The following CNOT1 variants were observed in gnomAD, a reference collection of about 807,000 sequenced individuals.
CNOT1 encodes CCR4-NOT transcription complex subunit 1.
In CNOT1, 15 loss-of-function variants were observed where a neutral mutation model predicts 273.8. The observed-to-expected ratio is 0.05, with a 90% CI of 0.04 to 0.08. CNOT1 has a LOEUF of 0.08. Ranked by LOEUF, CNOT1 falls within the 10% of genes least tolerant of loss-of-function variation. The probability of loss-of-function intolerance (pLI) is 1.00; values close to 1 mark genes in which losing one functional copy is unlikely to be tolerated. For missense variants in CNOT1, 1,644 were observed against 2,912.2 expected (o/e 0.56, Z 10.02); for synonymous variants, 1,022 against 1,005.5 (o/e 1.02, Z -0.31).
At chr16:58,625,827 C>T (rs2043550865) in intron 1 of CNOT1, among the ~76,000 whole-genome samples, 1 of 144,398 alleles carries the variant, frequency 6.9e-6, no homozygotes, top group Admixed American at 7.2e-5. Flanking sequence ...CGCTGCACTC[C>T]AGCCTAGGCA....
At chr16:58,608,234 C>T (rs1416324764) in intron 1 of CNOT1, among the ~76,000 whole-genome samples, 1 of 151,640 alleles carries the variant, frequency 6.6e-6, no homozygotes, top group African/African-American at 2.4e-5. Flanking sequence ...CACAAACAAA[C>T]CTGAATGTCC....
At position 58,585,417 on chromosome 16, in the gene CNOT1, A is replaced by T. The variant is rs745515011; in HGVS notation, c.727T>A (p.Ser243Thr). Residue 243 changes from serine to threonine, a missense_variant, in exon 8 of 49, where the codon TCC becomes ACC. Around this residue, in one of 13 missense-constraint regions of CNOT1, gnomAD observed 706 missense variants for 1,021.2 expected, o/e 0.69. Coordinates refer to ENST00000317147, the MANE Select transcript of CNOT1 (RefSeq NM_016284.5). ...ATCATGGTTTTAGCTACCCCTCCGGAATCAGGCAGGATCCTGTCCATTAGA... is the reference window on the plus strand; with the variant it reads ...ATCATGGTTTTAGCTACCCCTCCGGTATCAGGCAGGATCCTGTCCATTAGA... ...DILMDRILPD[S>T]GGVAKTMMES... 20 of 1,613,786 alleles carry T rather than the reference A, an allele frequency of 1.2e-5. No individual in the cohort carries two copies. The highest frequency in any genetic ancestry group is 1.7e-5 in the Non-Finnish European group (20 of 1,180,016).
intron 2 of CNOT1, among the ~76,000 whole-genome samples, chr16:58,595,986 G>A (rs542057818): frequency 1.3e-5 from 2 of 152,214 alleles, no homozygotes; most frequent in African/African-American, 4.8e-5. Context: ...AGGCAGTCTT[G>A]TGCTTTTCTT....
rs2039340088 is a variant in CNOT1, at chr16:58,520,737, C to G, written c.*221G>C. 6 of 565,946 alleles carry G rather than the reference C, an allele frequency of 1.1e-5. No homozygotes were observed. The highest frequency in any genetic ancestry group is 1.6e-5 in the Non-Finnish European group (5 of 316,516). 35.1% of individuals were successfully genotyped at this position (565,946 alleles called of 1,614,324 possible). The stretch of plus-strand genomic sequence containing the variant: ...TTACACAAGTTCAAAATGATATTCA[C>G]AGCATCTTCTAAATTTTGGCCAAGA... On this transcript the variant is annotated 3_prime_UTR_variant, in exon 49 of 49. Transcript: ENST00000317147.
intron 40 of CNOT1, among the ~76,000 whole-genome samples, chr16:58,533,375 G>T (rs1456682475): frequency 6.6e-6 from 1 of 152,216 alleles, no homozygotes; most frequent in South Asian, 2.1e-4. Context: ...TGTGGCTCAC[G>T]CCTATAATCC....
chr16:58,543,986 G>T, intron 30 of CNOT1, 83 bp from the exon 31 acceptor site: 1 of 1,479,342 alleles, frequency 6.8e-7, no homozygotes, highest in Non-Finnish European at 9.0e-7. Context: ...TCATGATTTT[G>T]TAAATCAAGA....
At chr16:58,614,954 C>T (rs1284693540) in intron 1 of CNOT1, among the ~76,000 whole-genome samples, 1 of 121,946 alleles carries the variant, frequency 8.2e-6, no homozygotes, top group South Asian at 2.4e-4. Context: ...CTGATCTGCC[C>T]GCCACGGTCT....
chr16:58,551,089 A>T, intron 24 of CNOT1, 43 bp downstream of exon 24: 2 of 1,598,966 alleles, frequency 1.3e-6, no homozygotes, highest in Non-Finnish European at 1.7e-6. Context: ...TTAGTCCATT[A>T]AGGAAAAAAG....
At position 58,543,860 on chromosome 16, in the gene CNOT1, C is replaced by T. The variant is rs2040170353; in HGVS notation, c.4181G>A (p.Arg1394His). Residue 1394 changes from arginine (R) to histidine (H), a missense_variant, in exon 31 of 49, where the codon CGT becomes CAT. By Grantham distance (29) the Arg-to-His change is conservative. Coordinates refer to ENST00000317147, the MANE Select transcript of CNOT1 (RefSeq NM_016284.5). ...QAHPQLKQCV[R>H]QAIERAVQEL... ...CTGGACAGCCCGTTCAATTGCCTGACGCACACACTGCTTCAACTGTGGATG... is the reference window on the plus strand; with the variant it reads ...CTGGACAGCCCGTTCAATTGCCTGATGCACACACTGCTTCAACTGTGGATG... 6 of 1,613,824 alleles carry T rather than the reference C, an allele frequency of 3.7e-6. No individual in the cohort carries two copies. Among genetic ancestry groups the T allele is most frequent in the Non-Finnish European group, 5.1e-6 (6 of 1,179,900 alleles).
At chr16:58,588,966 G>C (rs79349898) in intron 2 of CNOT1, 60 bp from the exon 3 acceptor site, 13 of 1,482,216 alleles carry the variant, frequency 8.8e-6, no homozygotes, top group African/African-American at 1.4e-5. Flanking sequence ...AAAAAAGTAA[G>C]GTTTCAAAAA....
At chr16:58,567,498 T>A (rs548208462) in intron 16 of CNOT1, among the ~76,000 whole-genome samples, 26 of 141,900 alleles carry the variant, frequency 1.8e-4, no homozygotes, top group Non-Finnish European at 3.1e-4. Flanking sequence ...AAAATAGGCA[T>A]GCATGGTAGC....
chr16:58,574,732 A>T lies in CNOT1; in HGVS notation c.1856T>A (p.Phe619Tyr). Reference sequence around the variant, plus strand: ...AATAGAAGGACACCGTCTCTTTAAAAAAGTCATACACGCCTGGATAAAAGG... The same window carrying T: ...AATAGAAGGACACCGTCTCTTTAAATAAGTCATACACGCCTGGATAAAAGG... ...GEPFIQACMT[F>Y]LKRRCPSILG... The change falls in exon 16 of 49, where the codon TTT becomes TAT. Residue 619 changes from phenylalanine to tyrosine, a missense_variant. Physicochemically the swap from Phe to Tyr is conservative, Grantham distance 22. This residue lies in a region of CNOT1 where 706 missense variants were observed against 1,021.2 expected (regional missense o/e 0.69). Coordinates refer to ENST00000317147, the MANE Select transcript of CNOT1 (RefSeq NM_016284.5). 1 of 1,605,512 alleles carries T rather than the reference A, an allele frequency of 6.2e-7. No homozygotes were observed. The highest frequency in any genetic ancestry group is 8.5e-7 in the Non-Finnish European group (1 of 1,178,342).
Position 58,578,763 on chromosome 16 carries a change from A to T in CNOT1, c.1520T>A (p.Met507Lys). ...TLRHELISTL[M>K]PIFLGNHPNS... Reference sequence around the variant, plus strand: ...AGGATGGTTTCCAAGGAAAATTGGCATCAGAGTGGAGATAAGTTCATGGCG... The same window carrying T: ...AGGATGGTTTCCAAGGAAAATTGGCTTCAGAGTGGAGATAAGTTCATGGCG... The change falls in exon 13 of 49, where the codon ATG becomes AAG. Residue 507 changes from methionine to lysine, a missense_variant. Met to Lys is a moderately conservative substitution (Grantham distance 95). Around this residue, in one of 13 missense-constraint regions of CNOT1, gnomAD observed 706 missense variants for 1,021.2 expected, o/e 0.69. Coordinates refer to ENST00000317147, the MANE Select transcript of CNOT1 (RefSeq NM_016284.5). 1 of 1,614,176 alleles carries T rather than the reference A, an allele frequency of 6.2e-7. No homozygotes were observed. The highest frequency in any genetic ancestry group is 8.5e-7 in the Non-Finnish European group (1 of 1,180,030).
chr16:58,534,902 C>T (rs549771433), intron 39 of CNOT1, among the ~76,000 whole-genome samples: 1 of 152,172 alleles, frequency 6.6e-6, no homozygotes, highest in African/African-American at 2.4e-5. Flanking sequence ...ATTTGTACAA[C>T]AGGTAAGTAC....
intron 14 of CNOT1, 84 bp downstream of exon 14, chr16:58,576,379 G>A (rs2041459742): frequency 6.3e-7 from 1 of 1,577,712 alleles, no homozygotes; most frequent in Non-Finnish European, 8.6e-7. Context: ...CCAAAGTGCT[G>A]GGATTACAGG....
At chr16:58,565,623 G>A (rs8062746) in intron 16 of CNOT1, among the ~76,000 whole-genome samples, 55,153 of 151,850 alleles carry the variant, frequency 0.36, 11,041 homozygotes, top group Non-Finnish European at 0.46. Context: ...TAGCCTTTAC[G>A]TGTTCTTCTT....
intron 47 of CNOT1, 30 bp from the exon 48 acceptor site, chr16:58,521,347 G>T: frequency 6.4e-7 from 1 of 1,570,374 alleles, no homozygotes; most frequent in Non-Finnish European, 8.6e-7. Context: ...GCTAGTTAAT[G>T]TATAGAAGCA....
intron 3 of CNOT1, among the ~76,000 whole-genome samples, 197 bp from the exon 4 acceptor site, chr16:58,588,075 G>A (rs1208835207): frequency 6.6e-6 from 1 of 152,146 alleles, no homozygotes; most frequent in Non-Finnish European, 1.5e-5. Flanking sequence ...AATGCAGGTG[G>A]ATCACCTGAG....
At chr16:58,527,470 T>C (rs1170804056) in intron 44 of CNOT1, among the ~76,000 whole-genome samples, 2 of 151,990 alleles carry the variant, frequency 1.3e-5, no homozygotes, top group Non-Finnish European at 1.5e-5. Flanking sequence ...GAAGTTGCAG[T>C]GAGCTGAGAT....
Sources: gnomAD v4.1 joint callset for allele counts (sites outside exome capture counted in the v4.1 genomes callset) on GRCh38, gnomAD v4.1.1 for gene constraint, gnomAD v4.1.1 regional missense constraint, MANE v1.5 for transcripts, NCBI Gene and HGNC (gene_info 2026-07-23, HGNC 2026-07-21) for gene names.